Variants in ZNF736 observed in about 807,000 individuals in gnomAD.
ZNF736 encodes zinc finger protein 736.
ZNF736 carries 6 observed loss-of-function variants against 11.7 expected under a neutral mutation model. The ratio of observed to expected loss-of-function variants is 0.51; its 90% CI spans 0.28 to 1.01. ZNF736 has a LOEUF of 1.01. Among genes scored for constraint, ZNF736 ranks in the 50% least tolerant of loss-of-function variants. The pLI, the probability that ZNF736 is intolerant of heterozygous loss-of-function variation, is 0.09. For missense variants in ZNF736, 444 were observed against 496.0 expected, an observed-to-expected ratio of 0.90 and a Z score of 1.00; for synonymous variants, 139 against 164.7, an observed-to-expected ratio of 0.84 and a Z score of 1.19.
Position 64,348,963 on chromosome 7 carries a change from G to A in ZNF736, c.1100G>A (p.Arg367Lys). 1 of 1,591,062 alleles carries A rather than the reference G, an allele frequency of 6.3e-7. No individual in the cohort carries two copies. The highest frequency in any genetic ancestry group is 1.1e-5 in the South Asian group (1 of 88,462). The change falls in exon 4 of 4, where the codon AGA (arginine) becomes AAA (lysine). Residue 367 changes from arginine (R) to lysine (K), a missense_variant. By Grantham distance (26) the Arg-to-Lys change is conservative (BLOSUM62 2). Transcript: ENST00000423484. ...FNHKRIHMEE[R>K]PYKCEECSKT... ...CACAAGAGAATTCATATGGAAGAGA[G>A]ACCTTACAAATGTGAAGAATGCAGC...
chr7:64,328,489 G>A (rs1279203464), intron 1 of ZNF736, among the ~76,000 whole-genome samples: 2 of 152,038 alleles, frequency 1.3e-5, no homozygotes, highest in Admixed American at 6.6e-5. Flanking sequence ...GGCCGGGCGC[G>A]GTGGCTCACG....
In ZNF736 at chr7:64,332,032, G is replaced by C. The variant is rs184166885; in HGVS notation, c.4-4227G>C. Among the ~76,000 whole-genome samples the C allele has an allele frequency of 1.6e-3, 237 of 152,228 alleles. 2 individuals carry two copies. The highest frequency in any genetic ancestry group is 4.6e-4 in the Non-Finnish European group (31 of 68,020). ...GAGGGAGTTTTGCTCATGCTTCAAA[G>C]GCATATTCTCAAGAAACAGGTGTAA... is the stretch of plus-strand genomic sequence containing the variant. On this transcript the variant is annotated intron_variant, in intron 1 of 3. Transcript: ENST00000423484.
chr7:64,342,071 G>C (rs1283743122), intron 3 of ZNF736, among the ~76,000 whole-genome samples: 1 of 152,148 alleles, frequency 6.6e-6, no homozygotes, highest in Non-Finnish European at 1.5e-5. Context: ...TAATCTGCTG[G>C]TGCATTCACA....
chr7:64,321,748 T>C (rs1418414772), intron 1 of ZNF736, among the ~76,000 whole-genome samples: 3 of 152,096 alleles, frequency 2.0e-5, no homozygotes, highest in Admixed American at 6.6e-5. Context: ...AAGAGGGATG[T>C]TGGATGGTTG....
At chr7:64,332,145 T>G (rs1789178162) in intron 1 of ZNF736, among the ~76,000 whole-genome samples, 1 of 152,184 alleles carries the variant, frequency 6.6e-6, no homozygotes, top group Non-Finnish European at 1.5e-5. Context: ...GTGTCTCAGG[T>G]CAGAGACTGT....
intron 3 of ZNF736, among the ~76,000 whole-genome samples, chr7:64,347,437 T>C (rs1373192767): frequency 6.6e-6 from 1 of 151,990 alleles, no homozygotes; most frequent in East Asian, 1.9e-4. Flanking sequence ...TGTTGGCCTG[T>C]CTGGTCTTGA....
chr7:64,318,250 A>G (rs1788943857), intron 1 of ZNF736, among the ~76,000 whole-genome samples: 1 of 152,010 alleles, frequency 6.6e-6, no homozygotes, highest in African/African-American at 2.4e-5. Context: ...TTTAAAAATT[A>G]ATATCTTAGC....
chr7:64,328,254 G>GGTT (rs543331282), intron 1 of ZNF736, among the ~76,000 whole-genome samples: 1 of 147,416 alleles, frequency 6.8e-6, no homozygotes, highest in Non-Finnish European at 1.5e-5. Context: ...AGTTGTTTTT[G>GGTT]TTTTTTTTTT....
rs1431340541 is a variant in ZNF736 at position 64,348,452 on chromosome 7, G to A, written c.589G>A (p.Val197Ile). ...DFTRHKKIHT[V>I]ERCYKCEECG... ...TACTAGACATAAGAAAATTCATACT[G>A]TAGAGAGATGCTACAAATGTGAAGA... Residue 197 changes from valine (V) to isoleucine (I), a missense_variant, in exon 4 of 4, where the codon GTA becomes ATA. By Grantham distance (29) the Val-to-Ile change is conservative. Coordinates refer to ENST00000423484, the MANE Select transcript of ZNF736 (RefSeq NM_001170905.3). 2.1e-5 allele frequency: 32 copies of A among 1,546,432 alleles called. No individual in the cohort carries two copies. Among genetic ancestry groups the A allele is most frequent in the Non-Finnish European group, 2.8e-5 (32 of 1,144,626 alleles).
rs1312953219 is a variant in ZNF736, at chr7:64,336,789, A to G, written c.131-98A>G. 41 of 926,226 alleles carry G rather than the reference A, an allele frequency of 4.4e-5. No homozygotes were observed. The East Asian group carries it at 1.0e-3, about 23-fold the overall frequency. The allele number at this position is 926,226 out of a possible 1,614,324, so 57.4% of individuals were successfully genotyped here. ...CAGTATATTAAAATTAATTTTCTAG[A>G]GTCTTCTATAATGTTCTCTCTTCTC... is the stretch of plus-strand genomic sequence containing the variant. On this transcript the variant is annotated intron_variant, in intron 2 of 3. Transcript: ENST00000423484.
Position 64,313,962 on chromosome 7 carries a change from C to A in ZNF736, c.-189C>A. ...AAGTGCGCAGCTACAGAGGAAGAGG[C>A]GGCCTCTTCAATATGGCGGGGCCTT... On this transcript the variant is annotated 5_prime_UTR_variant, in exon 1 of 4. Transcript: ENST00000423484. 2.8e-6 allele frequency: 2 copies of A among 713,384 alleles called. No homozygotes were observed. The highest frequency in any genetic ancestry group is 4.7e-6 in the Non-Finnish European group (2 of 422,166). 44.2% of individuals were successfully genotyped at this position (713,384 alleles called of 1,614,324 possible).
intron 3 of ZNF736, among the ~76,000 whole-genome samples, chr7:64,347,889 T>G (rs1789432713): frequency 6.6e-6 from 1 of 152,242 alleles, no homozygotes; most frequent in Non-Finnish European, 1.5e-5. Context: ...GCTCACTTGG[T>G]GTGCCGCAAA....
chr7:64,330,830 C>A (rs1251365983), intron 1 of ZNF736, among the ~76,000 whole-genome samples: 1 of 151,058 alleles, frequency 6.6e-6, no homozygotes. Context: ...CAGGGTATGT[C>A]TAGAACTGTC....
chr7:64,332,337 G>T (rs958140914), intron 1 of ZNF736, among the ~76,000 whole-genome samples: 4 of 152,122 alleles, frequency 2.6e-5, no homozygotes, highest in African/African-American at 9.7e-5. Context: ...CATATTGGTA[G>T]GACTGTGATA....
rs1411174548 is a variant in ZNF736 at position 64,348,938 on chromosome 7, C to T, written c.1075C>T (p.His359Tyr). 1 of 1,598,536 alleles carries T rather than the reference C, an allele frequency of 6.3e-7. No individual in the cohort carries two copies. The highest frequency in any genetic ancestry group is 2.3e-5 in the East Asian group (1 of 43,920). ...TACCCGCTCCTCAACCCTTTTTAAC[C>T]ACAAGAGAATTCATATGGAAGAGAG... is the stretch of plus-strand genomic sequence containing the variant. ...AFTRSSTLFN[H>Y]KRIHMEERPY... Residue 359 changes from histidine (H) to tyrosine (Y), a missense_variant, in exon 4 of 4, where the codon CAC becomes TAC. By Grantham distance (83) the His-to-Tyr change is moderately conservative. Coordinates refer to ENST00000423484, the MANE Select transcript of ZNF736 (RefSeq NM_001170905.3).
chr7:64,321,900 A>C (rs1245561808), intron 1 of ZNF736, among the ~76,000 whole-genome samples: 1 of 152,234 alleles, frequency 6.6e-6, no homozygotes, highest in Non-Finnish European at 1.5e-5. Context: ...CATGTTACCT[A>C]AGATATGAAC....
At chr7:64,329,883 G>C (rs1158072657) in intron 1 of ZNF736, among the ~76,000 whole-genome samples, 4 of 152,190 alleles carry the variant, frequency 2.6e-5, no homozygotes, top group Non-Finnish European at 5.9e-5. Flanking sequence ...AATGCCTTTG[G>C]TAGCAAGAAC....
rs185842222 is a variant in ZNF736, at chr7:64,347,786, G to A, written c.227-304G>A. Reference sequence around the variant, plus strand: ...TGGAGGGGGTAGACAGGAGTTTGGAGTCTATAGTTAGAGTCATCATAGGAT... The same window carrying A: ...TGGAGGGGGTAGACAGGAGTTTGGAATCTATAGTTAGAGTCATCATAGGAT... On this transcript the variant is annotated intron_variant, in intron 3 of 3. Transcript: ENST00000423484. Among the ~76,000 whole-genome samples the A allele has an allele frequency of 3.8e-3, 573 of 152,310 alleles. 6 individuals carry two copies. The highest frequency in any genetic ancestry group is 0.023 in the Admixed American group (356 of 15,308).
intron 1 of ZNF736, among the ~76,000 whole-genome samples, chr7:64,326,119 TTCTTTC>T (rs1284216460): frequency 2.6e-5 from 4 of 152,190 alleles, no homozygotes; most frequent in Admixed American, 6.5e-5. Flanking sequence ...AAAAAAAATT[TTCTTTC>T]TCTTGTACCA....
Sources: allele counts gnomAD v4.1 joint callset (sites outside exome capture counted in the v4.1 genomes callset), GRCh38; gene constraint gnomAD v4.1.1; transcripts MANE v1.5; gene names NCBI Gene and HGNC (gene_info 2026-07-23, HGNC 2026-07-21).